H2BC18: variants seen among roughly 807,000 people sequenced by gnomAD.
The protein encoded by H2BC18 is histone H2B type 2-F.
Under a neutral mutation model 6.3 loss-of-function variants are expected in H2BC18, and 8 were observed. The ratio of observed to expected loss-of-function variants is 1.28; its 90% CI spans 0.75 to 2.31. H2BC18 has a LOEUF of 2.31. Among genes scored for constraint, H2BC18 ranks in the 30% most tolerant of loss-of-function variants. H2BC18 has a pLI of 0.00. For missense variants in H2BC18, 106 were observed against 174.5 expected (o/e 0.61, Z 2.21); for synonymous variants, 104 against 78.1 (o/e 1.33, Z -1.75).
At chr1:149,804,681 C>T (rs587703419) in intron 1 of H2BC18, among the ~76,000 whole-genome samples, 2 of 152,234 alleles carry the variant, frequency 1.3e-5, no homozygotes, top group African/African-American at 2.4e-5. Flanking sequence ...GGTACATTAC[C>T]TCATTTAATC....
chr1:149,788,637 A>G, intron 1 of H2BC18: 1 of 1,613,920 alleles, frequency 6.2e-7, no homozygotes, highest in Non-Finnish European at 8.5e-7. Context: ...TGGAATAGTC[A>G]TAGAACTGAT....
rs192684691 is a variant in H2BC18 at position 149,799,924 on chromosome 1, A to G, written c.377+12023T>C. Among the ~76,000 whole-genome samples the G allele has an allele frequency of 1.1e-3, 168 of 152,200 alleles. 1 individual carries two copies. Among genetic ancestry groups the G allele is most frequent in the African/African-American group, 3.8e-3 (156 of 41,520 alleles). ...AAGCAAGCAATCAGTTCTGCAGTGGACACCAGCTGAGTGTACTCCAATTCA... is the reference window on the plus strand; with the variant it reads ...AAGCAAGCAATCAGTTCTGCAGTGGGCACCAGCTGAGTGTACTCCAATTCA... On this transcript the variant is annotated intron_variant, in intron 1 of 1. Coordinates refer to the H2BC18 transcript ENST00000545683.
downstream of H2BC18, among the ~76,000 whole-genome samples, chr1:149,807,513 G>C (rs868915764): frequency 6.0e-5 from 1 of 16,540 alleles, no homozygotes; most frequent in Non-Finnish European, 1.4e-4. Flanking sequence ...AGGCATGGCG[G>C]GGGGGGGGGG....
chr1:149,808,726 A>AT (rs1161541557), downstream of H2BC18, among the ~76,000 whole-genome samples: 1 of 152,108 alleles, frequency 6.6e-6, no homozygotes, highest in Non-Finnish European at 1.5e-5. Flanking sequence ...CAAGTTTTCT[A>AT]TTTTTGCCAA....
At chr1:149,784,608 G>C (rs2091490093) in intron 1 of H2BC18, among the ~76,000 whole-genome samples, 1 of 150,920 alleles carries the variant, frequency 6.6e-6, no homozygotes, top group African/African-American at 2.4e-5. Context: ...CCAAAACCTA[G>C]ATCTGCAGTC....
chr1:149,798,900 A>AC (rs2091830781), intron 1 of H2BC18, among the ~76,000 whole-genome samples: 1 of 151,676 alleles, frequency 6.6e-6, no homozygotes, highest in African/African-American at 2.4e-5. Flanking sequence ...TGTGTGACCC[A>AC]CCATGTAAGC....
At chr1:149,792,576 C>T in intron 1 of H2BC18, 2 of 1,189,380 alleles carry the variant, frequency 1.7e-6, no homozygotes, top group South Asian at 3.0e-5. Flanking sequence ...GATGGGGCGT[C>T]GCGCTCCGAG....
chr1:149,790,974 G>C (rs1219172834), intron 1 of H2BC18, among the ~76,000 whole-genome samples: 1 of 151,502 alleles, frequency 6.6e-6, no homozygotes, highest in Non-Finnish European at 1.5e-5. Context: ...AAATGGCACA[G>C]AGATATCAGT....
chr1:149,784,134 G>A (rs1263403033), intron 1 of H2BC18: 3 of 1,611,686 alleles, frequency 1.9e-6, no homozygotes, highest in Admixed American at 3.3e-5. Context: ...CAATGGCACA[G>A]CCACTCAGAC....
intron 1 of H2BC18, chr1:149,793,115 C>T (rs1553752361): frequency 7.8e-7 from 1 of 1,274,198 alleles, no homozygotes. Context: ...ATGCTGCCGG[C>T]CTCAGGTGCG....
intron 1 of H2BC18, among the ~76,000 whole-genome samples, chr1:149,801,463 A>C (rs1553753341): frequency 7.0e-6 from 1 of 142,280 alleles, no homozygotes; most frequent in African/African-American, 2.7e-5. Flanking sequence ...GTATTTATTG[A>C]ATTGTTTATT....
intron 1 of H2BC18, among the ~76,000 whole-genome samples, chr1:149,789,261 C>T (rs1192741358): frequency 1.3e-5 from 2 of 152,066 alleles, no homozygotes; most frequent in African/African-American, 4.8e-5. Flanking sequence ...TGAAATGTGG[C>T]GGGCACCTGT....
chr1:149,789,976 G>C, intron 1 of H2BC18: 1 of 1,612,378 alleles, frequency 6.2e-7, no homozygotes, highest in Non-Finnish European at 8.5e-7. Flanking sequence ...TTTCCCAAGG[G>C]GGTAAAGGGC....
intron 1 of H2BC18, among the ~76,000 whole-genome samples, chr1:149,800,147 G>C (rs1488625668): frequency 3.9e-5 from 6 of 151,978 alleles, no homozygotes; most frequent in Admixed American, 3.9e-4. Flanking sequence ...AAACACTTGG[G>C]TTTACTGGTT....
At chr1:149,809,352 C>A (rs2091951043), downstream of H2BC18, among the ~76,000 whole-genome samples, 1 of 148,774 alleles carries the variant, frequency 6.7e-6, no homozygotes, top group Non-Finnish European at 1.5e-5. Flanking sequence ...TACTTTACCA[C>A]TCTGAGGATT....
chr1:149,792,440 C>A (rs2091732512), intron 1 of H2BC18: 1 of 946,800 alleles, frequency 1.1e-6, no homozygotes, highest in Admixed American at 4.8e-5. Context: ...CACTGTGTAA[C>A]ATAGCTGAGG....
intron 1 of H2BC18, among the ~76,000 whole-genome samples, chr1:149,784,534 C>T (rs1331509348): frequency 2.6e-5 from 4 of 151,904 alleles, no homozygotes; most frequent in African/African-American, 9.7e-5. Flanking sequence ...TATGCCTGTA[C>T]ATAGTAAATA....
intron 1 of H2BC18, among the ~76,000 whole-genome samples, chr1:149,797,630 C>T (rs1309729549): frequency 2.6e-5 from 4 of 152,162 alleles, no homozygotes; most frequent in African/African-American, 7.2e-5. Flanking sequence ...TTAATTCTCT[C>T]TCTGTTGCTC....
At chr1:149,807,320 C>G (rs2091926396), downstream of H2BC18, among the ~76,000 whole-genome samples, 1 of 151,694 alleles carries the variant, frequency 6.6e-6, no homozygotes, top group Admixed American at 6.6e-5. Flanking sequence ...GACCCCATCT[C>G]TACAAAAACA....
Sources: allele counts gnomAD v4.1 joint callset (sites outside exome capture counted in the v4.1 genomes callset), GRCh38; gene constraint gnomAD v4.1.1; transcripts MANE v1.5; gene names NCBI Gene and HGNC (gene_info 2026-07-23, HGNC 2026-07-21).